Variants in GALNT17 observed in about 807,000 individuals in gnomAD.
The protein encoded by GALNT17 is polypeptide N-acetylgalactosaminyltransferase 17.
GALNT17 carries 29 observed loss-of-function variants against 63.7 expected under a neutral mutation model. The observed-to-expected ratio is 0.46, with a 90% CI of 0.34 to 0.62. GALNT17 has a LOEUF of 0.62. Ranked by LOEUF, GALNT17 falls within the 20% of genes least tolerant of loss-of-function variation. The pLI, the probability that GALNT17 is intolerant of heterozygous loss-of-function variation, is 0.01. For missense variants in GALNT17, 603 were observed against 799.6 expected (o/e 0.75, Z 2.97); for synonymous variants, 305 against 318.3 (o/e 0.96, Z 0.45).
At chr7:71,433,768 A>G (rs1399376160) in intron 5 of GALNT17, among the ~76,000 whole-genome samples, 1 of 152,192 alleles carries the variant, frequency 6.6e-6, no homozygotes, top group East Asian at 1.9e-4. Flanking sequence ...ACCAAGTCTG[A>G]TGGTTAATAC....
intron 5 of GALNT17, among the ~76,000 whole-genome samples, chr7:71,511,712 A>G (rs1451006546): frequency 6.6e-6 from 1 of 152,168 alleles, no homozygotes; most frequent in African/African-American, 2.4e-5. Flanking sequence ...TTAATAAATA[A>G]GTCTACCATA....
chr7:71,322,291 C>T lies in GALNT17; in HGVS notation c.239-13259C>T, dbSNP rs569190965. On this transcript the variant is annotated intron_variant, in intron 1 of 10. Coordinates refer to ENST00000333538, the MANE Select transcript of GALNT17 (RefSeq NM_022479.3). The stretch of plus-strand genomic sequence containing the variant: ...TCTGCTGACTGTGGATAAAGCTATT[C>T]GGAGGATCAAATTAAATAACCTTTG... Among the ~76,000 whole-genome samples, 42 of 152,116 alleles carry T rather than the reference C, an allele frequency of 2.8e-4. No individual in the cohort carries two copies. In the South Asian group the frequency reaches 3.7e-3, roughly 14 times the overall value.
chr7:71,515,587 A>G (rs564579682), intron 5 of GALNT17, among the ~76,000 whole-genome samples: 77 of 152,156 alleles, frequency 5.1e-4, no homozygotes, highest in Non-Finnish European at 8.7e-4. Flanking sequence ...CGCACTCCCT[A>G]CTCATGGATA....
chr7:71,223,408 A>G (rs1437695110), intron 1 of GALNT17, among the ~76,000 whole-genome samples: 2 of 152,064 alleles, frequency 1.3e-5, no homozygotes, highest in Non-Finnish European at 2.9e-5. Context: ...CCTTTAAGCT[A>G]TATCTAATAC....
At chr7:71,344,098 C>T (rs1792050630) in intron 2 of GALNT17, among the ~76,000 whole-genome samples, 1 of 132,300 alleles carries the variant, frequency 7.6e-6, no homozygotes, top group Non-Finnish European at 1.6e-5. Flanking sequence ...TCCTTTTGGT[C>T]ACTTTTAGAG....
intron 5 of GALNT17, among the ~76,000 whole-genome samples, chr7:71,518,186 G>A (rs1179667491): frequency 6.6e-6 from 1 of 152,174 alleles, no homozygotes; most frequent in African/African-American, 2.4e-5. Flanking sequence ...GCAGGAGCAT[G>A]GCATGATCTG....
intron 2 of GALNT17, among the ~76,000 whole-genome samples, chr7:71,337,543 A>T (rs547255214): frequency 1.3e-5 from 2 of 152,270 alleles, no homozygotes; most frequent in East Asian, 3.9e-4. Flanking sequence ...GTTTCAACTT[A>T]CACTTTTTTG....
chr7:71,256,132 A>G (rs1790285374), intron 1 of GALNT17, among the ~76,000 whole-genome samples: 2 of 152,158 alleles, frequency 1.3e-5, no homozygotes, highest in Admixed American at 1.3e-4. Flanking sequence ...ATTGATAATA[A>G]TTCTTTCATC....
intron 6 of GALNT17, among the ~76,000 whole-genome samples, chr7:71,581,500 C>T (rs1313977198): frequency 6.6e-6 from 1 of 152,120 alleles, no homozygotes; most frequent in Non-Finnish European, 1.5e-5. Context: ...CACTCACTAT[C>T]ATAAGAACAG....
At chr7:71,627,629 A>T (rs1247839616) in intron 6 of GALNT17, among the ~76,000 whole-genome samples, 1 of 152,242 alleles carries the variant, frequency 6.6e-6, no homozygotes, top group Non-Finnish European at 1.5e-5. Flanking sequence ...CCTGTCCGGT[A>T]GACAATAGAT....
chr7:71,292,008 G>A (rs984658907), intron 1 of GALNT17, among the ~76,000 whole-genome samples: 2 of 152,074 alleles, frequency 1.3e-5, no homozygotes, highest in African/African-American at 4.8e-5. Context: ...AATAATTAGG[G>A]CTGTTAATTT....
intron 5 of GALNT17, among the ~76,000 whole-genome samples, chr7:71,543,037 TAA>T (rs1554306349): frequency 1.1e-4 from 14 of 130,746 alleles, no homozygotes; most frequent in Non-Finnish European, 1.2e-4. Flanking sequence ...TGACCTTTGT[TAA>T]AAAAAAAAAA....
At chr7:71,282,327 C>G (rs750466650) in intron 1 of GALNT17, among the ~76,000 whole-genome samples, 1 of 152,190 alleles carries the variant, frequency 6.6e-6, no homozygotes, top group African/African-American at 2.4e-5. Flanking sequence ...AGATGGGAAC[C>G]TTTTAGCCTG....
intron 1 of GALNT17, among the ~76,000 whole-genome samples, chr7:71,162,962 G>C (rs1788375266): frequency 6.6e-6 from 1 of 152,192 alleles, no homozygotes; most frequent in South Asian, 2.1e-4. Flanking sequence ...ACGCACTGTG[G>C]AGGACAAGTG....
At chr7:71,388,428 G>A (rs753906224) in intron 3 of GALNT17, 27 bp downstream of exon 3, 2 of 1,596,162 alleles carry the variant, frequency 1.3e-6, no homozygotes, top group Non-Finnish European at 1.7e-6. Context: ...CCTGTGCACA[G>A]GACATGATGA....
At chr7:71,221,435 C>T (rs10216080) in intron 1 of GALNT17, among the ~76,000 whole-genome samples, 10,230 of 147,658 alleles carry the variant, frequency 0.069, 495 homozygotes, top group East Asian at 0.21. Context: ...CCTCACCTCC[C>T]GGAGCCTCCT....
chr7:71,602,879 A>G (rs1342226243), intron 6 of GALNT17, among the ~76,000 whole-genome samples: 1 of 151,862 alleles, frequency 6.6e-6, no homozygotes, highest in African/African-American at 2.4e-5. Flanking sequence ...CCAAGTGCAT[A>G]TACTGGGTAC....
intron 6 of GALNT17, among the ~76,000 whole-genome samples, chr7:71,612,738 G>A (rs111242192): frequency 1.3e-5 from 2 of 152,258 alleles, no homozygotes; most frequent in Non-Finnish European, 2.9e-5. Flanking sequence ...CATGTTGATG[G>A]AAAACACTAG....
chr7:71,554,744 C>G (rs1562688779), intron 5 of GALNT17, among the ~76,000 whole-genome samples: 1 of 152,324 alleles, frequency 6.6e-6, no homozygotes, highest in South Asian at 2.1e-4. Context: ...TCTGTACCCA[C>G]TCCCTGAATT....
Sources: gnomAD v4.1 joint callset for allele counts (sites outside exome capture counted in the v4.1 genomes callset) on GRCh38, gnomAD v4.1.1 for gene constraint, MANE v1.5 for transcripts, NCBI Gene and HGNC (gene_info 2026-07-23, HGNC 2026-07-21) for gene names.